The following UNC45A variants were observed in gnomAD, a reference collection of about 807,000 sequenced individuals.
The protein encoded by UNC45A is unc-45 myosin chaperone A.
Under a neutral mutation model 103.2 loss-of-function variants are expected in UNC45A, and 78 were observed. The ratio of observed to expected loss-of-function variants is 0.76; its 90% CI spans 0.63 to 0.91. The LOEUF is 0.91. Ranked by LOEUF, UNC45A falls within the 40% of genes least tolerant of loss-of-function variation. UNC45A has a pLI of 0.00. For synonymous variants in UNC45A, 495 were observed against 504.6 expected (o/e 0.98, Z 0.25); for missense variants, 1,193 against 1,224.8 (o/e 0.97, Z 0.39).
At chr15:90,953,096 G>A in intron 18 of UNC45A, 50 bp downstream of exon 18, 2 of 1,613,334 alleles carry the variant, frequency 1.2e-6, no homozygotes, top group Non-Finnish European at 1.7e-6. Context: ...AGAGGTACCT[G>A]TGCCCTGGCT....
chr15:90,940,344 T>C lies in UNC45A; in HGVS notation c.558T>C (p.Ala186=), dbSNP rs746172742. ...TGGTGGTGCTGGCCAGGGAGGATGC[T>C]GGAGCGGAGAAGATCTTCCGGAGTA... ...QNLVVLARED[A]GAEKIFRSNG... Residue 186 remains alanine (A), a synonymous_variant, in exon 6 of 20, where the codon GCT becomes GCC. Coordinates refer to ENST00000418476, the MANE Select transcript of UNC45A (RefSeq NM_018671.5). The C allele has an allele frequency of 4.3e-6, 7 of 1,614,116 alleles. No individual in the cohort carries two copies. The South Asian group carries it at 7.7e-5, about 18-fold the overall frequency.
intron 6 of UNC45A, among the ~76,000 whole-genome samples, chr15:90,942,008 C>T (rs989740523): frequency 7.3e-5 from 11 of 151,624 alleles, no homozygotes; most frequent in African/African-American, 2.7e-4. Flanking sequence ...GGAGAGGTCT[C>T]ACGGGCCCAT....
rs1338528202 is a variant in UNC45A at position 90,945,580 on chromosome 15, C to T, written c.1199+517C>T. On this transcript the variant is annotated intron_variant, in intron 9 of 19. Transcript: ENST00000418476. Reference sequence around the variant, plus strand: ...TTCTCCATATTGGTCAGGCTGGTCTCGAACTCCCGACCTCAGGTGATCCGC... The same window carrying T: ...TTCTCCATATTGGTCAGGCTGGTCTTGAACTCCCGACCTCAGGTGATCCGC... Among the ~76,000 whole-genome samples, 10 of 151,470 alleles carry T rather than the reference C, an allele frequency of 6.6e-5. 1 individual carries two copies. In the South Asian group the frequency reaches 1.5e-3, roughly 22 times the overall value.
At chr15:90,935,832 C>T in intron 2 of UNC45A, 114 bp from the exon 3 acceptor site, 2 of 1,567,302 alleles carry the variant, frequency 1.3e-6, no homozygotes, top group Non-Finnish European at 8.6e-7. Flanking sequence ...GTTTTTTGCA[C>T]CTCAGGGTGG....
upstream of UNC45A, chr15:90,931,484 G>A: frequency 6.2e-7 from 1 of 1,614,134 alleles, no homozygotes; most frequent in Non-Finnish European, 8.5e-7. Flanking sequence ...GGCAAGCTTG[G>A]TTCAAGGCCA....
chr15:90,943,869 A>G (rs1420411216), intron 8 of UNC45A, among the ~76,000 whole-genome samples: 1 of 151,002 alleles, frequency 6.6e-6, no homozygotes, highest in East Asian at 2.0e-4. Flanking sequence ...TTGTAGTTGT[A>G]GTAGAGATAG....
In UNC45A at chr15:90,935,565, C is replaced by G. The variant is rs765967641; in HGVS notation, c.73C>G (p.Arg25Gly). ...TPGASSVEQL[R>G]KEGNELFKCG... ...ACAGGCCAGCTCAGTGGAGCAGCTGCGGAAGGAGGGCAATGAGCTGTTCAA... is the reference window on the plus strand; with the variant it reads ...ACAGGCCAGCTCAGTGGAGCAGCTGGGGAAGGAGGGCAATGAGCTGTTCAA... Residue 25 changes from arginine (R) to glycine (G), a missense_variant, in exon 2 of 20, where the codon CGG becomes GGG. Physicochemically the swap from Arg to Gly is moderately radical, Grantham distance 125. Coordinates refer to ENST00000418476, the MANE Select transcript of UNC45A (RefSeq NM_018671.5). 1.2e-6 allele frequency: 2 copies of G among 1,609,310 alleles called. No homozygotes were observed. Among genetic ancestry groups the G allele is most frequent in the Non-Finnish European group, 1.7e-6 (2 of 1,177,774 alleles).
rs2036766464 is a variant in UNC45A, at chr15:90,949,431, A to G, written c.1994A>G (p.Glu665Gly). 1.2e-6 allele frequency: 2 copies of G among 1,613,544 alleles called. No individual in the cohort carries two copies. Among genetic ancestry groups the G allele is most frequent in the Non-Finnish European group, 1.7e-6 (2 of 1,179,972 alleles). The part of the protein sequence containing the change: ...ESPVLTSSCR[E>G]LLSRVFLALV... ...CCTGTGCTGACCAGTTCCTGCAGAG[A>G]GCTGCTCTCCAGGTGAGCCAGCCTT... The change falls in exon 14 of 20, where the codon GAG (glutamate) becomes GGG (glycine). Residue 665 changes from glutamate (E) to glycine (G), a missense_variant. Physicochemically the swap from Glu to Gly is moderately conservative, Grantham distance 98 (BLOSUM62 -2). Coordinates refer to ENST00000418476, the MANE Select transcript of UNC45A (RefSeq NM_018671.5).
rs1410624464 is a variant in UNC45A at position 90,953,049 on chromosome 15, G to C, written c.2421+3G>C. The C allele has an allele frequency of 1.2e-6, 2 of 1,613,586 alleles. No individual in the cohort carries two copies. The highest frequency in any genetic ancestry group is 2.2e-5 in the South Asian group (2 of 91,084). On this transcript the variant is annotated splice_donor_region_variant and intron_variant, in intron 18 of 19. Transcript: ENST00000418476. ...GTAACTTGGCCATGAGCAAGGAGGTGAGGGTTGGTCTGGGTGCTCATGACA... is the reference window on the plus strand; with the variant it reads ...GTAACTTGGCCATGAGCAAGGAGGTCAGGGTTGGTCTGGGTGCTCATGACA...
Position 90,935,571 on chromosome 15 carries a change from G to T in UNC45A, c.79G>T (p.Glu27Ter), listed in dbSNP as rs1269629808. 2 of 1,611,010 alleles carry T rather than the reference G, an allele frequency of 1.2e-6. No individual in the cohort carries two copies. The highest frequency in any genetic ancestry group is 1.7e-5 in the Admixed American group (1 of 59,412). The change falls in exon 2 of 20, where the codon GAG becomes TAG. Residue 27 changes from glutamate to a stop codon, truncating the protein, a stop_gained. Coordinates refer to ENST00000418476, the MANE Select transcript of UNC45A (RefSeq NM_018671.5). LOFTEE classifies it high-confidence loss of function. ...GASSVEQLRK[E>*]GNELFKCGDY... ...CAGCTCAGTGGAGCAGCTGCGGAAG[G>T]AGGGCAATGAGCTGTTCAAATGTGG...
upstream of UNC45A, chr15:90,935,150 A>G (rs1232642149): frequency 4.6e-6 from 3 of 654,156 alleles, no homozygotes; most frequent in African/African-American, 5.5e-5. Context: ...TGCACCTGCG[A>G]TCCAGAGCCA....
chr15:90,942,500 C>G lies in UNC45A; in HGVS notation c.751C>G (p.Gln251Glu), dbSNP rs115978927. 1.2e-3 allele frequency: 1,902 copies of G among 1,614,150 alleles called. 20 individuals are homozygous for G. The African/African-American group carries it at 0.02, about 17-fold the overall frequency. The change falls in exon 7 of 20, where the codon CAG (glutamine) becomes GAG (glutamate). Residue 251 changes from glutamine (Q) to glutamate (E), a missense_variant. Physicochemically the swap from Gln to Glu is conservative, Grantham distance 29 (BLOSUM62 2). Transcript: ENST00000418476. The part of the protein sequence containing the change: ...RVVSILGVES[Q>E]AVSLAACHLL... The stretch of plus-strand genomic sequence containing the variant: ...AGTCTCCATCCTGGGCGTGGAAAGC[C>G]AGGCTGTGTCCCTGGCTGCCTGCCA...
intron 13 of UNC45A, 78 bp downstream of exon 13, chr15:90,948,872 TCCC>T: frequency 1.4e-6 from 1 of 715,674 alleles, no homozygotes; most frequent in Non-Finnish European, 2.0e-6. Flanking sequence ...CAGAACAACC[TCCC>T]TTTTTTTTTT....
chr15:90,948,936 A>C, intron 13 of UNC45A, 142 bp downstream of exon 13: 2 of 1,081,438 alleles, frequency 1.8e-6, no homozygotes, highest in Non-Finnish European at 2.5e-6. Context: ...GAGTGCAGTG[A>C]TGCGATCTCG....
At chr15:90,944,404 A>T (rs1459363044) in intron 8 of UNC45A, among the ~76,000 whole-genome samples, 1 of 152,014 alleles carries the variant, frequency 6.6e-6, no homozygotes, top group Non-Finnish European at 1.5e-5. Context: ...AAAGATAAAT[A>T]AGAAAAGCTT....
chr15:90,944,790 C>A (rs1269077044), intron 8 of UNC45A, 102 bp from the exon 9 acceptor site: 8 of 1,371,434 alleles, frequency 5.8e-6, no homozygotes, highest in Non-Finnish European at 6.9e-6. Flanking sequence ...AACTCTGTAG[C>A]CTTCTTGTCT....
At chr15:90,945,241 C>T (rs2036503658) in intron 9 of UNC45A, among the ~76,000 whole-genome samples, 178 bp downstream of exon 9, 1 of 152,216 alleles carries the variant, frequency 6.6e-6, no homozygotes, top group African/African-American at 2.4e-5. Flanking sequence ...AAAGTGGCCT[C>T]CGCAGGGAGG....
chr15:90,932,142 TCGGAGGTAGTCC>T (rs1485652253), upstream of UNC45A: 5 of 1,566,024 alleles, frequency 3.2e-6, no homozygotes, highest in Non-Finnish European at 4.3e-6. Context: ...GGAAGTCAGG[TCGGAGGTAGTCC>T]CAAGGCGGTG....
At position 90,950,229 on chromosome 15, in the gene UNC45A, A is replaced by G. The variant is rs2036823342; in HGVS notation, c.2149A>G (p.Ile717Val). 6.4e-7 allele frequency: 1 copy of G among 1,551,602 alleles called. No individual in the cohort carries two copies. ...AGCCCAGGCCCTTGCCAAGCTCACC[A>G]TCACCTCCAACCCGGAGATGACCTT... ...KAAQALAKLTITSNPEMTFPG... is the reference protein window; with the variant it reads ...KAAQALAKLTVTSNPEMTFPG... Residue 717 changes from isoleucine to valine, a missense_variant, in exon 16 of 20, where the codon ATC becomes GTC. Coordinates refer to ENST00000418476, the MANE Select transcript of UNC45A (RefSeq NM_018671.5).
Sources: allele counts gnomAD v4.1 joint callset (sites outside exome capture counted in the v4.1 genomes callset), GRCh38; gene constraint gnomAD v4.1.1; transcripts MANE v1.5; gene names NCBI Gene and HGNC (gene_info 2026-07-23, HGNC 2026-07-21).